The following STOML3 variants were observed in gnomAD, a reference collection of about 807,000 sequenced individuals.
The protein encoded by STOML3 is stomatin-like protein 3.
In STOML3, 31 loss-of-function variants were observed where a neutral mutation model predicts 29.5. The observed-to-expected ratio is 1.05, with a 90% confidence interval of 0.79 to 1.42. The LOEUF (loss-of-function observed/expected upper bound fraction) is 1.42. Among genes scored for constraint, STOML3 ranks in the 40% most tolerant of loss-of-function variants. The pLI is 0.00. For synonymous variants in STOML3, 122 were observed against 139.8 expected, an observed-to-expected ratio of 0.87 and a Z score of 0.90; for missense variants, 380 against 363.0, an observed-to-expected ratio of 1.05 and a Z score of -0.38.
intron 5 of STOML3, 125 bp downstream of exon 5, chr13:38,970,060 C>G: frequency 2.6e-6 from 2 of 768,890 alleles, no homozygotes; most frequent in Admixed American, 5.6e-5. Flanking sequence ...GAGCAGTTGT[C>G]TGTGTGTGAG....
chr13:38,969,722 G>A (rs767220383), intron 5 of STOML3, among the ~76,000 whole-genome samples: 10 of 152,086 alleles, frequency 6.6e-5, no homozygotes, highest in Non-Finnish European at 1.3e-4. Flanking sequence ...TACTATTAAT[G>A]TTATTAGTGA....
chr13:38,990,624 G>A, intron 1 of STOML3, 46 bp downstream of exon 1: 1 of 1,595,198 alleles, frequency 6.3e-7, no homozygotes, highest in Middle Eastern at 1.7e-4. Flanking sequence ...CTCCTGCTTT[G>A]CCATATATGT....
intron 6 of STOML3, 97 bp downstream of exon 6, chr13:38,968,303 A>G: frequency 6.6e-7 from 1 of 1,504,484 alleles, no homozygotes; most frequent in Non-Finnish European, 8.9e-7. Flanking sequence ...TTTCTCATGC[A>G]AATAATTGAC....
chr13:38,983,697 C>T (rs1293907883), intron 1 of STOML3, among the ~76,000 whole-genome samples: 1 of 152,110 alleles, frequency 6.6e-6, no homozygotes, highest in Non-Finnish European at 1.5e-5. Flanking sequence ...ATTATCTACG[C>T]TAGTCCTATG....
intron 1 of STOML3, among the ~76,000 whole-genome samples, chr13:38,980,675 A>G (rs7985111): frequency 1.5e-3 from 229 of 152,292 alleles, no homozygotes; most frequent in African/African-American, 5.4e-3. Flanking sequence ...TCATATGCCT[A>G]CTTCCTAGTA....
chr13:38,980,101 C>T, intron 1 of STOML3: 6 of 1,551,684 alleles, frequency 3.9e-6, no homozygotes, highest in Non-Finnish European at 5.2e-6. Context: ...ATTACACGTG[C>T]ACATGAGGCT....
chr13:38,981,595 CATAA>C (rs1215584588), intron 1 of STOML3, among the ~76,000 whole-genome samples: 4 of 152,242 alleles, frequency 2.6e-5, no homozygotes, highest in East Asian at 1.9e-4. Context: ...TCTGTGTTAT[CATAA>C]ATAGTCTCTT....
At chr13:38,990,414 A>G (rs962528651) in intron 1 of STOML3, among the ~76,000 whole-genome samples, 3 of 152,188 alleles carry the variant, frequency 2.0e-5, no homozygotes, top group African/African-American at 4.8e-5. Flanking sequence ...AGGATTTCAT[A>G]CAGAAAGAAG....
intron 1 of STOML3, among the ~76,000 whole-genome samples, chr13:38,982,193 T>C (rs977440916): frequency 6.6e-6 from 1 of 152,066 alleles, no homozygotes; most frequent in African/African-American, 2.4e-5. Context: ...TAGACGGGCT[T>C]CTTCCTGACC....
At chr13:38,981,242 A>G (rs1881258742) in intron 1 of STOML3, among the ~76,000 whole-genome samples, 1 of 151,724 alleles carries the variant, frequency 6.6e-6, no homozygotes, top group African/African-American at 2.4e-5. Context: ...GTGCGTGTCT[A>G]CCTTTACTGA....
rs1212356466 is a variant in STOML3, at chr13:38,966,691, C to T, written c.*134G>A. 7.9e-6 allele frequency: 6 copies of T among 758,168 alleles called. No individual in the cohort carries two copies. Among genetic ancestry groups the T allele is most frequent in the Non-Finnish European group, 1.1e-5 (5 of 461,260 alleles). 47.0% of individuals were successfully genotyped at this position (758,168 alleles called of 1,614,324 possible). ...CTCTGTATAGCCTCTAGAGCTTTTTCCTGCCAATGCTCTTCCATCTATGGA... is the reference window on the plus strand; with the variant it reads ...CTCTGTATAGCCTCTAGAGCTTTTTTCTGCCAATGCTCTTCCATCTATGGA... On this transcript the variant is annotated 3_prime_UTR_variant, in exon 7 of 7. Coordinates refer to ENST00000379631, the MANE Select transcript of STOML3 (RefSeq NM_145286.3).
chr13:38,971,222 G>A (rs1490533786), intron 4 of STOML3, among the ~76,000 whole-genome samples: 2 of 152,052 alleles, frequency 1.3e-5, no homozygotes, highest in African/African-American at 4.8e-5. Context: ...TAGTAGAGAT[G>A]AGGTTTCGCC....
chr13:38,969,618 T>C (rs1415678334), intron 5 of STOML3, among the ~76,000 whole-genome samples: 10 of 152,200 alleles, frequency 6.6e-5, no homozygotes, highest in Admixed American at 5.9e-4. Context: ...GTAATTCATC[T>C]AAGAAAATAC....
In STOML3 at chr13:38,970,174, G is replaced by A. The variant is rs1880807679; in HGVS notation, c.516+11C>T. ...TTAAAGATACAGGCTATTAGTTCAT[G>A]GTGTCTTTACCTGGATGCTATGGGC... is the stretch of plus-strand genomic sequence containing the variant. On this transcript the variant is annotated intron_variant, in intron 5 of 6. Transcript: ENST00000379631. 5.6e-6 allele frequency: 9 copies of A among 1,606,050 alleles called. No homozygotes were observed. The highest frequency in any genetic ancestry group is 7.7e-6 in the Non-Finnish European group (9 of 1,174,468).
intron 1 of STOML3, among the ~76,000 whole-genome samples, chr13:38,988,109 C>A (rs1225875209): frequency 3.8e-5 from 3 of 79,768 alleles, no homozygotes; most frequent in African/African-American, 1.1e-4. Context: ...TATTTTATAT[C>A]ATATATTTTA....
chr13:38,987,218 A>G (rs1275996709), intron 1 of STOML3, among the ~76,000 whole-genome samples: 1 of 151,994 alleles, frequency 6.6e-6, no homozygotes, highest in Non-Finnish European at 1.5e-5. Context: ...CATGCACACA[A>G]GTGGCTTTCA....
At chr13:38,982,764 G>A (rs756512503) in intron 1 of STOML3, among the ~76,000 whole-genome samples, 2 of 152,098 alleles carry the variant, frequency 1.3e-5, no homozygotes, top group Admixed American at 1.3e-4. Context: ...TGCCCACAAG[G>A]AAATTCCTAG....
intron 1 of STOML3, 148 bp from the exon 2 acceptor site, chr13:38,976,945 T>C (rs1005059481): frequency 3.9e-5 from 26 of 660,110 alleles, no homozygotes; most frequent in Middle Eastern, 3.2e-4. Flanking sequence ...ATGGATGTAG[T>C]CACACACACG....
chr13:38,975,961 G>C (rs923359084), intron 3 of STOML3, among the ~76,000 whole-genome samples: 1 of 151,824 alleles, frequency 6.6e-6, no homozygotes, highest in African/African-American at 2.4e-5. Flanking sequence ...ATTTCTAACT[G>C]TAAGAATAAT....
Sources: gnomAD v4.1 joint callset for allele counts (sites outside exome capture counted in the v4.1 genomes callset) on GRCh38, gnomAD v4.1.1 for gene constraint, MANE v1.5 for transcripts, NCBI Gene and HGNC (gene_info 2026-07-23, HGNC 2026-07-21) for gene names.